Variants in KIRREL2 observed in about 807,000 individuals in gnomAD.
KIRREL2 encodes kirre like nephrin family adhesion molecule 2, also known as kin of IRRE-like protein 2.
KIRREL2 carries 56 observed loss-of-function variants against 73.4 expected under a neutral mutation model. That is an observed-to-expected ratio of 0.76 (90% CI 0.62 to 0.95). KIRREL2 has a LOEUF of 0.95. Ranked by LOEUF, KIRREL2 falls within the 40% of genes least tolerant of loss-of-function variation. The probability of loss-of-function intolerance (pLI) is 0.00; values close to 1 mark genes in which losing one functional copy is unlikely to be tolerated. For synonymous variants in KIRREL2, 407 were observed against 404.0 expected (o/e 1.01, Z -0.09); for missense variants, 896 against 935.0 (o/e 0.96, Z 0.54).
chr19:35,857,456 A>C lies in KIRREL2; in HGVS notation c.173A>C (p.Lys58Thr), dbSNP rs1454606715. 1 of 1,610,900 alleles carries C rather than the reference A, an allele frequency of 6.2e-7. No individual in the cohort carries two copies. Among genetic ancestry groups the C allele is most frequent in the Non-Finnish European group, 8.5e-7 (1 of 1,178,820 alleles). The change falls in exon 2 of 15, where the codon AAG becomes ACG. Residue 58 changes from lysine (K) to threonine (T), a missense_variant. Lys to Thr is a moderately conservative substitution (Grantham distance 78, BLOSUM62 -1). Transcript: ENST00000360202. ...GAYWGLVQWTKSGLALGGQRD... is the reference protein window; with the variant it reads ...GAYWGLVQWTTSGLALGGQRD... ...TACTGGGGGCTAGTTCAGTGGACTA[A>C]GAGTGGGCTGGCCCTAGGGGGCCAA...
intron 12 of KIRREL2, 73 bp from the exon 13 acceptor site, chr19:35,862,854 C>T (rs915990855): frequency 1.4e-5 from 13 of 916,866 alleles, no homozygotes; most frequent in Middle Eastern, 2.7e-4. Flanking sequence ...CCAGTCCTCT[C>T]TCTTCCCGCT....
intron 7 of KIRREL2, 71 bp from the exon 8 acceptor site, chr19:35,860,838 G>T: frequency 6.2e-7 from 1 of 1,607,398 alleles, no homozygotes. Flanking sequence ...GTGTTTCTGT[G>T]GGGCTGGCTG....
At chr19:35,854,425 G>A (rs758980593), upstream of KIRREL2, among the ~76,000 whole-genome samples, 13 of 151,646 alleles carry the variant, frequency 8.6e-5, no homozygotes, top group Admixed American at 3.9e-4. Context: ...GGGTTCAGGC[G>A]ATTCTCCTGC....
In KIRREL2 at chr19:35,866,653, C is replaced by T; in HGVS notation, c.*161C>T. 1 of 1,102,100 alleles carries T rather than the reference C, an allele frequency of 9.1e-7. No homozygotes were observed. The highest frequency in any genetic ancestry group is 2.4e-5 in the Admixed American group (1 of 41,786). 68.3% of individuals were successfully genotyped at this position (1,102,100 alleles called of 1,614,324 possible). ...GTCAGGAGCATTTGTATACAGTCAGCTCAGCCAAAGGAGATGCCCCAAGTG... is the reference window on the plus strand; with the variant it reads ...GTCAGGAGCATTTGTATACAGTCAGTTCAGCCAAAGGAGATGCCCCAAGTG... On this transcript the variant is annotated 3_prime_UTR_variant, in exon 15 of 15. Transcript: ENST00000360202.
upstream of KIRREL2, chr19:35,851,585 A>G (rs1973263497): frequency 6.2e-7 from 1 of 1,613,776 alleles, no homozygotes; most frequent in Non-Finnish European, 8.5e-7. Context: ...ACGCAGCTCC[A>G]CTGAGGCCCC....
At chr19:35,865,794 C>T (rs1286594639) in intron 14 of KIRREL2, among the ~76,000 whole-genome samples, 2 of 152,180 alleles carry the variant, frequency 1.3e-5, no homozygotes, top group African/African-American at 4.8e-5. Context: ...CCAGTTCTAT[C>T]CTAGTGACAT....
chr19:35,861,689 A>G (rs755996430), intron 10 of KIRREL2, 48 bp downstream of exon 10: 5 of 1,594,120 alleles, frequency 3.1e-6, no homozygotes, highest in Non-Finnish European at 3.4e-6. Context: ...GTGATCCCTG[A>G]CCTCCCACCT....
chr19:35,859,342 A>AT, intron 4 of KIRREL2, 139 bp from the exon 5 acceptor site: 2 of 745,696 alleles, frequency 2.7e-6, no homozygotes, highest in Non-Finnish European at 4.2e-6. Flanking sequence ...CTTTTTTGTA[A>AT]TTTTTTAGCT....
rs369090630 is a variant in KIRREL2, at chr19:35,859,561, C to G, written c.603C>G (p.Thr201=). 1 of 1,614,164 alleles carries G rather than the reference C, an allele frequency of 6.2e-7. No individual in the cohort carries two copies. Among genetic ancestry groups the G allele is most frequent in the Non-Finnish European group, 8.5e-7 (1 of 1,180,030 alleles). The change falls in exon 5 of 15, where the codon ACC becomes ACG. Residue 201 remains threonine (T), a synonymous_variant. Coordinates refer to ENST00000360202, the MANE Select transcript of KIRREL2 (RefSeq NM_199180.4). ...LTPFSHDDGA[T]FVCRARSQAL... ...CTTTCAGCCATGATGATGGAGCCAC[C>G]TTTGTCTGCCGGGCCCGGAGCCAGG...
In KIRREL2 at chr19:35,859,570, C is replaced by T; in HGVS notation, c.612C>T (p.Cys204=). 6.2e-7 allele frequency: 1 copy of T among 1,614,130 alleles called. No individual in the cohort carries two copies. The highest frequency in any genetic ancestry group is 8.5e-7 in the Non-Finnish European group (1 of 1,180,028). The change falls in exon 5 of 15, where the codon TGC becomes TGT. Residue 204 remains cysteine (C), a synonymous_variant. Coordinates refer to ENST00000360202, the MANE Select transcript of KIRREL2 (RefSeq NM_199180.4). The part of the protein sequence containing the change: ...FSHDDGATFV[C]RARSQALPTG... ...ATGATGATGGAGCCACCTTTGTCTGCCGGGCCCGGAGCCAGGCCCTGCCCA... is the reference window on the plus strand; with the variant it reads ...ATGATGATGGAGCCACCTTTGTCTGTCGGGCCCGGAGCCAGGCCCTGCCCA...
intron 1 of KIRREL2, 33 bp downstream of exon 1, chr19:35,857,213 TG>T: frequency 5.4e-6 from 3 of 551,214 alleles, no homozygotes; most frequent in South Asian, 2.1e-5. Context: ...GAATATGGGG[TG>T]GGGGTGGGGA....
intron 13 of KIRREL2, among the ~76,000 whole-genome samples, 180 bp from the exon 14 acceptor site, chr19:35,864,468 G>T (rs1973867907): frequency 6.6e-6 from 1 of 152,148 alleles, no homozygotes; most frequent in South Asian, 2.1e-4. Flanking sequence ...GGGATTACAT[G>T]CATGAGCCAC....
intron 9 of KIRREL2, 90 bp downstream of exon 9, chr19:35,861,344 T>A (rs1973673063): frequency 1.3e-6 from 2 of 1,500,670 alleles, no homozygotes; most frequent in Non-Finnish European, 1.8e-6. Flanking sequence ...GGGAGTGGCC[T>A]GGAAGGAGCT....
Position 35,861,877 on chromosome 19 carries a change from C to A in KIRREL2, c.1363C>A (p.Pro455Thr), listed in dbSNP as rs776012965. ...GTTCCTGGTGGAGACATTCCCTGCC[C>A]CAGAGAGCCGCGGGGGACTGGGTCC... ...GRFLVETFPAPESRGGLGPGL... is the reference protein window; with the variant it reads ...GRFLVETFPATESRGGLGPGL... Residue 455 changes from proline to threonine, a missense_variant, in exon 11 of 15, where the codon CCA becomes ACA. Transcript: ENST00000360202. 2.5e-6 allele frequency: 4 copies of A among 1,596,472 alleles called. No individual in the cohort carries two copies. Among genetic ancestry groups the A allele is most frequent in the Non-Finnish European group, 3.4e-6 (4 of 1,171,896 alleles).
intron 13 of KIRREL2, among the ~76,000 whole-genome samples, chr19:35,863,424 ATT>A (rs1410982721): frequency 8.3e-5 from 10 of 120,284 alleles, no homozygotes; most frequent in Admixed American, 8.3e-5. Context: ...CCCTGTCTCC[ATT>A]TTTTTTTTTT....
At chr19:35,858,914 G>A in intron 4 of KIRREL2, 50 bp downstream of exon 4, 1 of 1,596,746 alleles carries the variant, frequency 6.3e-7, no homozygotes, top group East Asian at 2.2e-5. Flanking sequence ...GGAAACTTGG[G>A]TTACACTCTG....
intron 10 of KIRREL2, 64 bp downstream of exon 10, chr19:35,861,705 C>T: frequency 1.3e-6 from 2 of 1,588,872 alleles, no homozygotes; most frequent in Middle Eastern, 1.7e-4. Context: ...CACCTGGCCC[C>T]CCGAAACTAC....
Position 35,860,501 on chromosome 19 carries a change from G to A in KIRREL2, c.780-18G>A. 6.2e-7 allele frequency: 1 copy of A among 1,602,754 alleles called. No individual in the cohort carries two copies. Among genetic ancestry groups the A allele is most frequent in the South Asian group, 1.1e-5 (1 of 91,062 alleles). On this transcript the variant is annotated intron_variant, in intron 6 of 14. Coordinates refer to ENST00000360202, the MANE Select transcript of KIRREL2 (RefSeq NM_199180.4). ...CAGAGAGGCCAGGACAACGTTAACA[G>A]CGCCACCATTTCCTCAGGTGGGCAA...
Position 35,860,921 on chromosome 19 carries a change from T to A in KIRREL2, c.941T>A (p.Leu314Gln), listed in dbSNP as rs752437508. The change falls in exon 8 of 15, where the codon CTG becomes CAG. Residue 314 changes from leucine to glutamine, a missense_variant. By Grantham distance (113) the Leu-to-Gln change is moderately radical (BLOSUM62 -2). Coordinates refer to ENST00000360202, the MANE Select transcript of KIRREL2 (RefSeq NM_199180.4). Reference sequence around the variant, plus strand: ...CTCTTTCGTCCAGTTGGGCCGATTCTGCAGGCAAAGCCGGAGCCCGTGTCC... The same window carrying A: ...CTCTTTCGTCCAGTTGGGCCGATTCAGCAGGCAAAGCCGGAGCCCGTGTCC... ...TALDVLFGPI[L>Q]QAKPEPVSVD... The A allele has an allele frequency of 1.1e-5, 17 of 1,613,830 alleles. No homozygotes were observed. The highest frequency in any genetic ancestry group is 1.2e-5 in the Non-Finnish European group (14 of 1,179,972).
Sources: gnomAD v4.1 joint callset for allele counts (sites outside exome capture counted in the v4.1 genomes callset) on GRCh38, gnomAD v4.1.1 for gene constraint, MANE v1.5 for transcripts, NCBI Gene and HGNC (gene_info 2026-07-23, HGNC 2026-07-21) for gene names.